The following SYK variants were observed in gnomAD, a reference collection of about 807,000 sequenced individuals.
SYK encodes tyrosine-protein kinase SYK.
Under a neutral mutation model 77.8 loss-of-function variants are expected in SYK, and 16 were observed. The ratio of observed to expected loss-of-function variants is 0.21; its 90% confidence interval spans 0.14 to 0.31. The LOEUF is 0.31. Ranked by LOEUF, SYK falls within the 10% of genes least tolerant of loss-of-function variation. The probability of loss-of-function intolerance (pLI) is 1.00; values close to 1 mark genes in which losing one functional copy is unlikely to be tolerated. For missense variants in SYK, 529 were observed against 814.4 expected (o/e 0.65, Z 4.26); for synonymous variants, 312 against 308.7 (o/e 1.01, Z -0.11).
intron 1 of SYK, among the ~76,000 whole-genome samples, chr9:90,811,284 G>T (rs12005055): frequency 3.3e-5 from 5 of 152,054 alleles, no homozygotes; most frequent in Non-Finnish European, 7.3e-5. Flanking sequence ...AATATGCAGC[G>T]AGTTTTTTCA....
rs1254731378 is a variant in SYK at position 90,862,208 on chromosome 9, TC to T, written c.583del (p.Arg195GlufsTer46). The part of the protein sequence containing the change: ...IGSKTNGKFL[I>X]RARDNNGSYA... ...TGCAGTTCCATCCTCTCTTCTAGGA[TC>T]CGAGCCAGAGACAACAACGGCTCCT... On this transcript the variant is annotated frameshift_variant, in exon 4 of 14. Coordinates refer to ENST00000375754, the MANE Select transcript of SYK (RefSeq NM_003177.7). LOFTEE classifies it high-confidence loss of function. The T allele has an allele frequency of 6.2e-7, 1 of 1,610,734 alleles. No homozygotes were observed. Among genetic ancestry groups the T allele is most frequent in the Non-Finnish European group, 8.5e-7 (1 of 1,177,948 alleles).
At chr9:90,845,901 T>TAGCA (rs1309080495) in intron 3 of SYK, among the ~76,000 whole-genome samples, 2 of 152,272 alleles carry the variant, frequency 1.3e-5, no homozygotes, top group African/African-American at 4.8e-5. Flanking sequence ...ATAGGTTGCA[T>TAGCA]AGCACATTCT....
chr9:90,802,230 G>A (rs1826759818), intron 1 of SYK, among the ~76,000 whole-genome samples: 1 of 152,188 alleles, frequency 6.6e-6, no homozygotes, highest in African/African-American at 2.4e-5. Context: ...CTCGGGAGAC[G>A]CGGGATTGGG....
intron 3 of SYK, among the ~76,000 whole-genome samples, chr9:90,859,379 C>T (rs1827162990): frequency 6.6e-6 from 1 of 152,048 alleles, no homozygotes; most frequent in South Asian, 2.1e-4. Flanking sequence ...TGTTTGGGGA[C>T]TTTGTGTATA....
intron 1 of SYK, among the ~76,000 whole-genome samples, chr9:90,835,911 T>G (rs1162189007): frequency 6.6e-6 from 1 of 152,208 alleles, no homozygotes; most frequent in East Asian, 1.9e-4. Flanking sequence ...ATGCGGATTT[T>G]TTTTCAACAA....
chr9:90,871,289 A>G (rs1484967275), intron 7 of SYK, among the ~76,000 whole-genome samples: 1 of 152,260 alleles, frequency 6.6e-6, no homozygotes, highest in East Asian at 1.9e-4. Flanking sequence ...TGGAATGGTC[A>G]ACATTTCATT....
At chr9:90,894,852 C>A (rs921364394) in intron 13 of SYK, among the ~76,000 whole-genome samples, 2 of 152,202 alleles carry the variant, frequency 1.3e-5, no homozygotes, top group African/African-American at 4.8e-5. Context: ...ACTGTTAATG[C>A]TTTTGCCCAT....
At chr9:90,831,167 G>T (rs1486603590) in intron 1 of SYK, among the ~76,000 whole-genome samples, 1 of 152,154 alleles carries the variant, frequency 6.6e-6, no homozygotes, top group African/African-American at 2.4e-5. Flanking sequence ...TGATAGGAGG[G>T]CTCTAATGGC....
intron 1 of SYK, among the ~76,000 whole-genome samples, chr9:90,808,052 G>A (rs561287932): frequency 1.3e-5 from 2 of 152,104 alleles, no homozygotes; most frequent in African/African-American, 4.8e-5. Context: ...TCCAGAATAG[G>A]CATGTCGATT....
chr9:90,820,505 C>A (rs942094456), intron 1 of SYK, among the ~76,000 whole-genome samples: 1 of 152,238 alleles, frequency 6.6e-6, no homozygotes, highest in Non-Finnish European at 1.5e-5. Context: ...GCTGCCAAAG[C>A]TTGGGGCTTT....
intron 10 of SYK, among the ~76,000 whole-genome samples, chr9:90,878,421 A>T (rs542226674): frequency 3.9e-5 from 6 of 152,176 alleles, no homozygotes; most frequent in Non-Finnish European, 7.4e-5. Context: ...TTTGTAGGTG[A>T]GAAACTGATT....
chr9:90,809,277 T>C (rs3789892), intron 1 of SYK, among the ~76,000 whole-genome samples: 35,599 of 152,098 alleles, frequency 0.23, 4,234 homozygotes, highest in Middle Eastern at 0.35. Flanking sequence ...ATATGCAGAG[T>C]ATCTAATTCA....
At chr9:90,842,838 T>C (rs1186623149) in intron 1 of SYK, among the ~76,000 whole-genome samples, 1 of 151,456 alleles carries the variant, frequency 6.6e-6, no homozygotes, top group African/African-American at 2.4e-5. Flanking sequence ...GATAAATGGA[T>C]GGAGTCATGT....
intron 1 of SYK, among the ~76,000 whole-genome samples, chr9:90,811,410 CAT>C (rs1334376918): frequency 1.3e-5 from 2 of 151,938 alleles, no homozygotes; most frequent in African/African-American, 4.8e-5. Context: ...ACCTATCACA[CAT>C]ATAAATTGAC....
rs1215954960 is a variant in SYK at position 90,874,869 on chromosome 9, C to G, written c.1181+20C>G. ...GAAAAAGTAAGTTGCTATGTTCCAC[C>G]AGCCTCACCCTCACATGAGCTCAGG... is the stretch of plus-strand genomic sequence containing the variant. On this transcript the variant is annotated intron_variant, in intron 9 of 13. Transcript: ENST00000375754. 2 of 1,612,782 alleles carry G rather than the reference C, an allele frequency of 1.2e-6. No homozygotes were observed. Among genetic ancestry groups the G allele is most frequent in the East Asian group, 4.5e-5 (2 of 44,884 alleles).
chr9:90,834,353 TCC>T (rs1294460071), intron 1 of SYK, among the ~76,000 whole-genome samples: 1 of 152,116 alleles, frequency 6.6e-6, no homozygotes, highest in East Asian at 1.9e-4. Flanking sequence ...CCCTCCACAC[TCC>T]CCACTCATGA....
rs773832738 is a variant in SYK at position 90,890,229 on chromosome 9, G to A, written c.1835+1602G>A. ...CCCACTTGGCTCCCAGGTGGGTGCAGTGAGGCTGCTGAATACCCTTTGGGC... is the reference window on the plus strand; with the variant it reads ...CCCACTTGGCTCCCAGGTGGGTGCAATGAGGCTGCTGAATACCCTTTGGGC... On this transcript the variant is annotated intron_variant, in intron 13 of 13. Coordinates refer to ENST00000375754, the MANE Select transcript of SYK (RefSeq NM_003177.7). Among the ~76,000 whole-genome samples, 5 of 152,360 alleles carry A rather than the reference G, an allele frequency of 3.3e-5. 1 individual carries two copies. Among genetic ancestry groups the A allele is most frequent in the Middle Eastern group, 6.8e-3 (2 of 294 alleles).
At chr9:90,869,873 C>T (rs974807178) in intron 7 of SYK, among the ~76,000 whole-genome samples, 16 of 152,064 alleles carry the variant, frequency 1.1e-4, no homozygotes, top group Non-Finnish European at 2.1e-4. Context: ...TTTGGGAGGC[C>T]GAGGCAGGTG....
In SYK at chr9:90,888,565, G is replaced by A; in HGVS notation, c.1773G>A (p.Met591Ile). The A allele has an allele frequency of 1.2e-6, 2 of 1,612,996 alleles. No individual in the cohort carries two copies. The highest frequency in any genetic ancestry group is 1.7e-6 in the Non-Finnish European group (2 of 1,179,636). Reference protein sequence around the residue: ...VTAMLEKGERMGCPAGCPREM... With the variant: ...VTAMLEKGERIGCPAGCPREM... ...CTATGTTAGAGAAAGGAGAGCGGATGGGGTGCCCTGCAGGGTGTCCAAGAG... is the reference window on the plus strand; with the variant it reads ...CTATGTTAGAGAAAGGAGAGCGGATAGGGTGCCCTGCAGGGTGTCCAAGAG... Residue 591 changes from methionine to isoleucine, a missense_variant, in exon 13 of 14, where the codon ATG becomes ATA. By Grantham distance (10) the Met-to-Ile change is conservative. Coordinates refer to ENST00000375754, the MANE Select transcript of SYK (RefSeq NM_003177.7).
Sources: gnomAD v4.1 joint callset for allele counts (sites outside exome capture counted in the v4.1 genomes callset) on GRCh38, gnomAD v4.1.1 for gene constraint, MANE v1.5 for transcripts, NCBI Gene and HGNC (gene_info 2026-07-23, HGNC 2026-07-21) for gene names.